SLC43A1: variants seen among roughly 807,000 people sequenced by gnomAD.
The protein encoded by SLC43A1 is solute carrier family 43 member 1, also known as large neutral amino acids transporter small subunit 3.
SLC43A1 carries 31 observed loss-of-function variants against 59.5 expected under a neutral mutation model. The observed-to-expected ratio is 0.52, with a 90% CI of 0.39 to 0.70. The LOEUF (loss-of-function observed/expected upper bound fraction) is 0.70, where lower values mean the gene tolerates loss of function less well. Ranked by LOEUF, SLC43A1 falls within the 30% of genes least tolerant of loss-of-function variation. The pLI, the probability that SLC43A1 is intolerant of heterozygous loss-of-function variation, is 0.00. For missense variants in SLC43A1, 598 were observed against 717.8 expected (o/e 0.83, Z 1.91); for synonymous variants, 259 against 290.9 (o/e 0.89, Z 1.12).
At chr11:57,492,913 G>T (rs537207875) in intron 8 of SLC43A1, among the ~76,000 whole-genome samples, 100 of 151,314 alleles carry the variant, frequency 6.6e-4, no homozygotes, top group Non-Finnish European at 1.1e-3. Flanking sequence ...GGTGGTGCAC[G>T]CCTGTAGTCC....
At chr11:57,504,526 A>G (rs893125077) in intron 2 of SLC43A1, among the ~76,000 whole-genome samples, 7 of 152,228 alleles carry the variant, frequency 4.6e-5, no homozygotes, top group African/African-American at 1.4e-4. Context: ...TCTATAGAGA[A>G]TCCCATTTAA....
At chr11:57,494,213 A>T in intron 7 of SLC43A1, 42 bp from the exon 8 acceptor site, 1 of 1,583,446 alleles carries the variant, frequency 6.3e-7, no homozygotes, top group Non-Finnish European at 8.6e-7. Flanking sequence ...CCAGTCACAC[A>T]GAGCCCACCT....
Position 57,501,314 on chromosome 11 carries a change from T to G in SLC43A1, c.170A>C (p.Asn57Thr), listed in dbSNP as rs1199597473. ...SSTCPAESST[N>T]TTQDEQRRWP... is the part of the protein sequence containing the mutation. ...CCTGCGCTGCTCATCCTGGGTGGTG[T>G]TGGTGCTGCTCTCAGCTGAGGAGGG... Residue 57 changes from asparagine to threonine, a missense_variant, in exon 3 of 15, where the codon AAC (asparagine) becomes ACC (threonine). Asn to Thr is a moderately conservative substitution (Grantham distance 65, BLOSUM62 0). Transcript: ENST00000278426. 6.2e-7 allele frequency: 1 copy of G among 1,610,002 alleles called. No homozygotes were observed.
In SLC43A1 at chr11:57,501,259, C is replaced by T. The variant is rs780598274; in HGVS notation, c.225G>A (p.Met75Ile). 3.1e-6 allele frequency: 5 copies of T among 1,612,464 alleles called. No homozygotes were observed. The highest frequency in any genetic ancestry group is 2.2e-5 in the East Asian group (1 of 44,884). Residue 75 changes from methionine (M) to isoleucine (I), a missense_variant, in exon 3 of 15, where the codon ATG becomes ATA. Met to Ile is a conservative substitution (Grantham distance 10). Coordinates refer to ENST00000278426, the MANE Select transcript of SLC43A1 (RefSeq NM_003627.6). ...AACCAATGGTGAAGCCCAGGTTGAG[C>T]ATCTCGTCCTGCTGGTCACAGCCTG... ...RWPGCDQQDE[M>I]LNLGFTIGSF...
intron 13 of SLC43A1, among the ~76,000 whole-genome samples, chr11:57,488,680 GACA>G (rs1943812667): frequency 1.3e-5 from 2 of 152,184 alleles, no homozygotes; most frequent in Non-Finnish European, 2.9e-5. Flanking sequence ...TCAAACAGCA[GACA>G]TAGAACCAAA....
In SLC43A1 at chr11:57,496,037, T is replaced by C. The variant is rs150001898; in HGVS notation, c.686A>G (p.Asn229Ser). The C allele has an allele frequency of 8.6e-5, 138 of 1,613,898 alleles. 1 individual carries two copies. The highest frequency in any genetic ancestry group is 3.3e-4 in the Middle Eastern group (2 of 6,084). Residue 229 changes from asparagine to serine, a missense_variant, in exon 7 of 15, where the codon AAT (asparagine) becomes AGT (serine). Asn to Ser is a conservative substitution (Grantham distance 46). Coordinates refer to ENST00000278426, the MANE Select transcript of SLC43A1 (RefSeq NM_003627.6). ...GCCCACTCCAGCCACTCACGTGTAA[T>C]TGACTTCCTCAGGGGCAGGAAAGGC... ...IEAFPAPEEV[N>S]YTKKIKLSGL...
rs545458058 is a variant in SLC43A1, at chr11:57,507,418, G to A, written c.155-6089C>T. ...CCAGGAGGCGGAGGTTGCAGTGAGC[G>A]GTGATTGCGCTGCTGCACTCCAGTC... On this transcript the variant is annotated intron_variant, in intron 2 of 14. Transcript: ENST00000278426. Among the ~76,000 whole-genome samples the A allele has an allele frequency of 7.4e-4, 113 of 152,154 alleles. 1 individual carries two copies. In the South Asian group the frequency reaches 0.021, roughly 29 times the overall value.
At chr11:57,487,258 C>T in intron 13 of SLC43A1, 40 bp from the exon 14 acceptor site, 2 of 1,598,600 alleles carry the variant, frequency 1.3e-6, no homozygotes, top group Non-Finnish European at 1.7e-6. Flanking sequence ...GTGTGGCCCT[C>T]TCCAGCCCAG....
chr11:57,485,239 T>C lies in SLC43A1; in HGVS notation c.1537A>G (p.Asn513Asp). 1.2e-6 allele frequency: 2 copies of C among 1,612,168 alleles called. No homozygotes were observed. Among genetic ancestry groups the C allele is most frequent in the Non-Finnish European group, 1.7e-6 (2 of 1,179,000 alleles). Residue 513 changes from asparagine to aspartate, a missense_variant, in exon 15 of 15, where the codon AAT becomes GAT. Coordinates refer to ENST00000278426, the MANE Select transcript of SLC43A1 (RefSeq NM_003627.6). ...AGTGAGAATAGCAGGAGGCCCAGAT[T>C]CACCTTTAGGGCAAGGAGAGAGAAA... ...GPLKGEPFWV[N>D]LGLLLFSLLG...
At chr11:57,496,683 G>C (rs917375488) in intron 6 of SLC43A1, among the ~76,000 whole-genome samples, 5 of 152,172 alleles carry the variant, frequency 3.3e-5, no homozygotes, top group African/African-American at 7.2e-5. Context: ...GCAACAACTG[G>C]GGGGGTTGGG....
intron 11 of SLC43A1, among the ~76,000 whole-genome samples, chr11:57,490,894 T>C (rs1943877757): frequency 6.6e-6 from 1 of 152,222 alleles, no homozygotes; most frequent in Non-Finnish European, 1.5e-5. Context: ...CTGTGTGATC[T>C]TGGGTGAATG....
At chr11:57,495,974 A>AT in intron 7 of SLC43A1, 57 bp downstream of exon 7, 2 of 1,582,230 alleles carry the variant, frequency 1.3e-6, no homozygotes, top group South Asian at 1.2e-5. Context: ...TCCGTCTATC[A>AT]TATCACCACA....
intron 14 of SLC43A1, 34 bp downstream of exon 14, chr11:57,487,061 C>T: frequency 6.2e-7 from 1 of 1,608,424 alleles, no homozygotes; most frequent in Non-Finnish European, 8.5e-7. Flanking sequence ...AGGAGAGTGG[C>T]TCCTGCTCCC....
intron 7 of SLC43A1, among the ~76,000 whole-genome samples, chr11:57,494,999 C>G (rs779793363): frequency 1.3e-4 from 20 of 151,798 alleles, no homozygotes; most frequent in Admixed American, 2.6e-4. Flanking sequence ...CAGGCATGCA[C>G]CACCACACCC....
chr11:57,510,122 C>A (rs1944499444), intron 2 of SLC43A1, among the ~76,000 whole-genome samples: 1 of 152,018 alleles, frequency 6.6e-6, no homozygotes, highest in African/African-American at 2.4e-5. Context: ...AAATCAAAAT[C>A]ACAAAAAAAC....
Position 57,510,736 on chromosome 11 carries a change from A to G in SLC43A1, c.154+3222T>C, listed in dbSNP as rs530168026. Reference sequence around the variant, plus strand: ...GCCAGGCACAGTGGCTCACGCCTGTAAATTCCAGCACTTTGGGAGGCCGAG... The same window carrying G: ...GCCAGGCACAGTGGCTCACGCCTGTGAATTCCAGCACTTTGGGAGGCCGAG... On this transcript the variant is annotated intron_variant, in intron 2 of 14. Coordinates refer to ENST00000278426, the MANE Select transcript of SLC43A1 (RefSeq NM_003627.6). 6.6e-5 allele frequency among the ~76,000 whole-genome samples: 10 copies of G among 151,990 alleles called. No homozygotes were observed. In the East Asian group the frequency reaches 1.9e-3, roughly 30 times the overall value.
chr11:57,501,386 A>G, intron 2 of SLC43A1, 57 bp from the exon 3 acceptor site: 3 of 1,577,952 alleles, frequency 1.9e-6, no homozygotes, highest in Non-Finnish European at 2.6e-6. Context: ...TGGGCACAGG[A>G]GACAGCAGCC....
intron 6 of SLC43A1, among the ~76,000 whole-genome samples, chr11:57,497,547 G>A (rs1944122969): frequency 6.6e-6 from 1 of 152,262 alleles, no homozygotes; most frequent in Non-Finnish European, 1.5e-5. Context: ...GTGAGTGACA[G>A]AGTACAGAGA....
chr11:57,512,531 G>A (rs1207996511), intron 2 of SLC43A1, among the ~76,000 whole-genome samples: 5 of 150,196 alleles, frequency 3.3e-5, no homozygotes, highest in South Asian at 2.1e-4. Context: ...GTGACAGAGT[G>A]AGACTCTGTC....
Sources: allele counts gnomAD v4.1 joint callset (sites outside exome capture counted in the v4.1 genomes callset), GRCh38; gene constraint gnomAD v4.1.1; transcripts MANE v1.5; gene names NCBI Gene and HGNC (gene_info 2026-07-23, HGNC 2026-07-21).